Variants in PIGF observed in about 807,000 individuals in gnomAD.
The protein encoded by PIGF is phosphatidylinositol glycan anchor biosynthesis class F.
Under a neutral mutation model 26.0 loss-of-function variants are expected in PIGF, and 23 were observed. That is an observed-to-expected ratio of 0.88 (90% confidence interval 0.64 to 1.25). PIGF has a LOEUF of 1.25. Among genes scored for constraint, PIGF ranks in the 50% most tolerant of loss-of-function variants. The pLI, the probability that PIGF is intolerant of heterozygous loss-of-function variation, is 0.00. For synonymous variants in PIGF, 93 were observed against 92.6 expected (o/e 1.00, Z -0.03); for missense variants, 278 against 249.9 (o/e 1.11, Z -0.76).
intron 4 of PIGF, among the ~76,000 whole-genome samples, chr2:46,592,863 C>T (rs1043318206): frequency 2.6e-5 from 4 of 152,224 alleles, no homozygotes; most frequent in African/African-American, 9.6e-5. Flanking sequence ...CTATCATCAA[C>T]TCCTGGTTCC....
chr2:46,613,714 C>G lies in PIGF; in HGVS notation c.300G>C (p.Leu100=), dbSNP rs367983978. The G allele has an allele frequency of 1.1e-5, 17 of 1,561,956 alleles. No individual in the cohort carries two copies. Among genetic ancestry groups the G allele is most frequent in the Middle Eastern group, 1.7e-4 (1 of 5,958 alleles). ...SCFSFHVIFV[L]YGAPLIELAL... The stretch of plus-strand genomic sequence containing the variant: ...CTTACTCTATCAGTGGTGCTCCATA[C>G]AGAACAAAAATTACATGAAAGGAGA... The change falls in exon 3 of 6, where the codon CTG becomes CTC. Residue 100 remains leucine, a synonymous_variant. Coordinates refer to ENST00000281382, the MANE Select transcript of PIGF (RefSeq NM_002643.4).
chr2:46,593,716 T>A (rs906245857), intron 4 of PIGF, among the ~76,000 whole-genome samples: 2 of 152,202 alleles, frequency 1.3e-5, no homozygotes, highest in African/African-American at 4.8e-5. Flanking sequence ...ATGCACTAAG[T>A]GGGGTCCAAA....
intron 5 of PIGF, chr2:46,591,414 G>A (rs191261533): frequency 3.5e-4 from 142 of 407,532 alleles, no homozygotes; most frequent in African/African-American, 2.7e-3. Flanking sequence ...TACTAATATT[G>A]CTTTAATTTT....
At chr2:46,611,600 A>G (rs528099829) in intron 4 of PIGF, among the ~76,000 whole-genome samples, 28 of 152,322 alleles carry the variant, frequency 1.8e-4, no homozygotes, top group Non-Finnish European at 3.7e-4. Context: ...GGTGATAAAT[A>G]GGAAAGAATC....
chr2:46,592,938 G>C (rs1331138442), intron 4 of PIGF, among the ~76,000 whole-genome samples: 1 of 152,036 alleles, frequency 6.6e-6, no homozygotes, highest in Non-Finnish European at 1.5e-5. Flanking sequence ...ATTTTATACA[G>C]GCACAAATAC....
At chr2:46,597,145 T>C (rs1669913500) in intron 4 of PIGF, among the ~76,000 whole-genome samples, 1 of 152,222 alleles carries the variant, frequency 6.6e-6, no homozygotes, top group Non-Finnish European at 1.5e-5. Flanking sequence ...CACGAGCATC[T>C]TGTGAATTCC....
intron 4 of PIGF, among the ~76,000 whole-genome samples, chr2:46,593,012 T>G (rs1572771343): frequency 6.6e-6 from 1 of 152,232 alleles, no homozygotes; most frequent in African/African-American, 2.4e-5. Context: ...CATATGTATA[T>G]TTCTTCAAAA....
At position 46,580,997 on chromosome 2, in the gene PIGF, G is replaced by A. The variant is rs1228639991; in HGVS notation, c.*481C>T. ...GGGATTGAAGACTGTTTTTGATGAG[G>A]CTATCATAGCCATTTTAACTCCAAA... is the stretch of plus-strand genomic sequence containing the variant. On this transcript the variant is annotated 3_prime_UTR_variant, in exon 6 of 6. Coordinates refer to ENST00000281382, the MANE Select transcript of PIGF (RefSeq NM_002643.4). 10 of 1,586,164 alleles carry A rather than the reference G, an allele frequency of 6.3e-6. No homozygotes were observed. The highest frequency in any genetic ancestry group is 1.1e-5 in the South Asian group (1 of 87,022).
At chr2:46,610,662 TG>T (rs1330027320) in intron 4 of PIGF, among the ~76,000 whole-genome samples, 1 of 151,654 alleles carries the variant, frequency 6.6e-6, no homozygotes, top group Non-Finnish European at 1.5e-5. Context: ...CCCAAGTAGC[TG>T]GGACTACAGG....
chr2:46,612,251 C>G lies in PIGF; in HGVS notation c.414G>C (p.Trp138Cys), dbSNP rs1670443481. The G allele has an allele frequency of 1.5e-6, 2 of 1,353,104 alleles. No homozygotes were observed. The highest frequency in any genetic ancestry group is 2.8e-5 in the East Asian group (1 of 35,824). The allele number at this position is 1,353,104 out of a possible 1,614,324, so 83.8% of individuals were successfully genotyped here. ...ACCCATTTCTACTGAACACTCTTAGCCATGCTTTGAGGTTTGGTCCTAACA... is the reference window on the plus strand; with the variant it reads ...ACCCATTTCTACTGAACACTCTTAGGCATGCTTTGAGGTTTGGTCCTAACA... ...LCLLGPNLKA[W>C]LRVFSRNGVT... The change falls in exon 4 of 6, where the codon TGG becomes TGC. Residue 138 changes from tryptophan to cysteine, a missense_variant. Trp to Cys is a radical substitution (Grantham distance 215, BLOSUM62 -2). Transcript: ENST00000281382.
intron 5 of PIGF, chr2:46,582,048 G>A (rs966480295): frequency 8.4e-5 from 13 of 154,968 alleles, no homozygotes; most frequent in Admixed American, 3.2e-4. Context: ...GAATCCAAGC[G>A]TGTTACATGA....
At chr2:46,608,186 C>T (rs1670284210) in intron 4 of PIGF, among the ~76,000 whole-genome samples, 1 of 152,196 alleles carries the variant, frequency 6.6e-6, no homozygotes, top group Admixed American at 6.5e-5. Flanking sequence ...TAAGTTTATG[C>T]AATATCCTAA....
intron 5 of PIGF, among the ~76,000 whole-genome samples, chr2:46,585,303 G>A (rs899406674): frequency 6.6e-6 from 1 of 152,126 alleles, no homozygotes; most frequent in Admixed American, 6.5e-5. Flanking sequence ...GATAGTGAGA[G>A]TTTTTTATAA....
intron 4 of PIGF, among the ~76,000 whole-genome samples, chr2:46,594,116 G>A (rs945570705): frequency 6.6e-6 from 1 of 152,204 alleles, no homozygotes; most frequent in African/African-American, 2.4e-5. Flanking sequence ...ATAGAACAGA[G>A]ATGTGTTCCA....
chr2:46,582,775 G>A (rs1266029764), intron 5 of PIGF: 2 of 152,556 alleles, frequency 1.3e-5, no homozygotes, highest in Non-Finnish European at 2.9e-5. Context: ...AATCTAGGAT[G>A]TACTGTCTTG....
intron 5 of PIGF, among the ~76,000 whole-genome samples, chr2:46,586,465 T>C (rs1205166316): frequency 6.6e-6 from 1 of 152,134 alleles, no homozygotes; most frequent in African/African-American, 2.4e-5. Flanking sequence ...CTTATAATTT[T>C]GGGGGAGATT....
intron 2 of PIGF, 176 bp from the exon 3 acceptor site, chr2:46,613,961 C>T (rs756402748): frequency 2.2e-5 from 12 of 541,738 alleles, no homozygotes; most frequent in Non-Finnish European, 3.6e-5. Context: ...GCCTTCGATA[C>T]AGACTAAAAA....
intron 5 of PIGF, among the ~76,000 whole-genome samples, chr2:46,586,499 G>A (rs1669576666): frequency 6.6e-6 from 1 of 152,090 alleles, no homozygotes. Context: ...ATAACATGGA[G>A]AAACTGACCT....
At chr2:46,593,157 G>A (rs1050314401) in intron 4 of PIGF, among the ~76,000 whole-genome samples, 2 of 138,024 alleles carry the variant, frequency 1.4e-5, no homozygotes, top group African/African-American at 5.5e-5. Flanking sequence ...TTTTTCAGAC[G>A]GAGTCTCACT....
Sources: gnomAD v4.1 joint callset for allele counts (sites outside exome capture counted in the v4.1 genomes callset) on GRCh38, gnomAD v4.1.1 for gene constraint, MANE v1.5 for transcripts, NCBI Gene and HGNC (gene_info 2026-07-23, HGNC 2026-07-21) for gene names.